CCDC172: variants seen among roughly 807,000 people sequenced by gnomAD.
CCDC172 encodes coiled-coil domain-containing protein 172.
CCDC172 carries 30 observed loss-of-function variants against 38.0 expected under a neutral mutation model. The observed-to-expected ratio is 0.79, with a 90% CI of 0.59 to 1.07. CCDC172 has a LOEUF of 1.07. Among genes scored for constraint, CCDC172 ranks in the 50% least tolerant of loss-of-function variants. The pLI is 0.00. For missense variants in CCDC172, 297 were observed against 290.1 expected, an observed-to-expected ratio of 1.02 and a Z score of -0.17; for synonymous variants, 78 against 88.3, an observed-to-expected ratio of 0.88 and a Z score of 0.66.
intron 5 of CCDC172, among the ~76,000 whole-genome samples, chr10:116,356,356 A>AG (rs79499888): frequency 2.9e-5 from 4 of 137,728 alleles, no homozygotes; most frequent in South Asian, 2.8e-4. Flanking sequence ...AGAGAAAGAA[A>AG]GGGGGGGAGG....
chr10:116,341,715 A>G (rs1404633093), intron 4 of CCDC172, among the ~76,000 whole-genome samples: 1 of 151,838 alleles, frequency 6.6e-6, no homozygotes, highest in Non-Finnish European at 1.5e-5. Context: ...CCAGTTTTAT[A>G]TTATAATTAT....
chr10:116,354,291 A>G (rs1844967189), intron 5 of CCDC172, among the ~76,000 whole-genome samples: 1 of 152,218 alleles, frequency 6.6e-6, no homozygotes, highest in African/African-American at 2.4e-5. Context: ...TTTATGTATT[A>G]TTATACTTTT....
chr10:116,364,833 A>G (rs1224668708), intron 7 of CCDC172, among the ~76,000 whole-genome samples: 1 of 152,232 alleles, frequency 6.6e-6, no homozygotes, highest in Non-Finnish European at 1.5e-5. Context: ...TCTACTTTAA[A>G]TAGTAGTGTG....
chr10:116,342,582 G>A (rs904180613), intron 5 of CCDC172, among the ~76,000 whole-genome samples: 15 of 152,158 alleles, frequency 9.9e-5, no homozygotes, highest in Admixed American at 9.8e-4. Flanking sequence ...TCCAGGAGAA[G>A]CTAGGAATAA....
intron 3 of CCDC172, among the ~76,000 whole-genome samples, chr10:116,327,722 T>G (rs1844608625): frequency 1.3e-5 from 2 of 152,100 alleles, no homozygotes; most frequent in South Asian, 4.1e-4. Context: ...GGGTCACAGT[T>G]CATACAATAC....
intron 5 of CCDC172, among the ~76,000 whole-genome samples, chr10:116,346,474 T>C (rs1211910304): frequency 6.6e-6 from 1 of 151,970 alleles, no homozygotes; most frequent in Non-Finnish European, 1.5e-5. Context: ...GGCAAGCAGA[T>C]CAATGGTTGC....
intron 3 of CCDC172, among the ~76,000 whole-genome samples, chr10:116,339,306 G>T (rs1345130536): frequency 6.6e-6 from 1 of 151,856 alleles, no homozygotes; most frequent in Non-Finnish European, 1.5e-5. Flanking sequence ...CTTTGTTAAG[G>T]TGTTTAACTT....
intron 3 of CCDC172, among the ~76,000 whole-genome samples, chr10:116,326,377 A>G (rs1379304007): frequency 6.6e-6 from 1 of 152,176 alleles, no homozygotes; most frequent in Non-Finnish European, 1.5e-5. Context: ...TTATTCAAAA[A>G]TATTTATTAA....
chr10:116,357,235 A>G (rs1845009287), intron 5 of CCDC172, 145 bp from the exon 6 acceptor site: 3 of 540,014 alleles, frequency 5.6e-6, no homozygotes, highest in Non-Finnish European at 9.5e-6. Flanking sequence ...TCCAATCCAT[A>G]GACATGGATA....
chr10:116,357,341 T>A, intron 5 of CCDC172, 39 bp from the exon 6 acceptor site: 1 of 1,327,454 alleles, frequency 7.5e-7, no homozygotes. Context: ...AATTTATTTC[T>A]AAGTATTTTA....
Position 116,357,941 on chromosome 10 carries a change from A to G in CCDC172, c.653+3A>G. The G allele has an allele frequency of 6.6e-7, 1 of 1,526,650 alleles. No homozygotes were observed. Among genetic ancestry groups the G allele is most frequent in the South Asian group, 1.2e-5 (1 of 86,050 alleles). The allele number at this position is 1,526,650 out of a possible 1,614,324, so 94.6% of individuals were successfully genotyped here. A position where few individuals can be genotyped will look rare whatever the true frequency, so the allele number is the denominator to read the frequency against. Reference sequence around the variant, plus strand: ...CAAAATGATACAGAATGCTTAAGGTAAGAGTTTCCTGTTATATTTTGGCCT... The same window carrying G: ...CAAAATGATACAGAATGCTTAAGGTGAGAGTTTCCTGTTATATTTTGGCCT... On this transcript the variant is annotated splice_donor_region_variant and intron_variant, in intron 7 of 8. Coordinates refer to ENST00000333254, the MANE Select transcript of CCDC172 (RefSeq NM_198515.3).
At chr10:116,348,583 G>A (rs1844894443) in intron 5 of CCDC172, among the ~76,000 whole-genome samples, 1 of 151,980 alleles carries the variant, frequency 6.6e-6, no homozygotes, top group Admixed American at 6.6e-5. Flanking sequence ...CTTACTCCTT[G>A]AGATTGCCAA....
intron 5 of CCDC172, among the ~76,000 whole-genome samples, chr10:116,346,970 A>G (rs1317496142): frequency 6.6e-6 from 1 of 152,220 alleles, no homozygotes; most frequent in Non-Finnish European, 1.5e-5. Context: ...GTAGACTTAA[A>G]CTGGACTAGG....
rs959233547 is a variant in CCDC172 at position 116,334,191 on chromosome 10, C to T, written c.166-6543C>T. ...AAATGTTCTTTTCGTTCTGAGCTCC[C>T]GCTCCTCCCCGTCTTTACTAAGATT... On this transcript the variant is annotated intron_variant, in intron 3 of 8. Coordinates refer to ENST00000333254, the MANE Select transcript of CCDC172 (RefSeq NM_198515.3). Among the ~76,000 whole-genome samples the T allele has an allele frequency of 3.9e-5, 6 of 152,142 alleles. No homozygotes were observed. In the South Asian group the frequency reaches 6.2e-4, roughly 16 times the overall value.
In CCDC172 at chr10:116,325,299, A is replaced by C; in HGVS notation, c.80-4A>C. 6.2e-7 allele frequency: 1 copy of C among 1,609,768 alleles called. No individual in the cohort carries two copies. The highest frequency in any genetic ancestry group is 8.5e-7 in the Non-Finnish European group (1 of 1,177,610). On this transcript the variant is annotated splice_region_variant and splice_polypyrimidine_tract_variant and intron_variant, in intron 2 of 8. Coordinates refer to ENST00000333254, the MANE Select transcript of CCDC172 (RefSeq NM_198515.3). ...TGTGTTTAAAGATTTAATTTTTATT[A>C]CAGTAAGGTCGGAAATAACCAGATG...
At chr10:116,357,974 G>A (rs1845020067) in intron 7 of CCDC172, 36 bp downstream of exon 7, 1 of 1,152,546 alleles carries the variant, frequency 8.7e-7, no homozygotes. Flanking sequence ...CCTAAATCAG[G>A]TAATTTTTCA....
intron 3 of CCDC172, among the ~76,000 whole-genome samples, chr10:116,331,966 A>G (rs1228549327): frequency 6.6e-6 from 1 of 152,118 alleles, no homozygotes; most frequent in Non-Finnish European, 1.5e-5. Context: ...TAGCTCACTT[A>G]TACACTGCAT....
chr10:116,342,327 TTTA>T (rs1844806284), intron 5 of CCDC172, 126 bp downstream of exon 5: 4 of 685,758 alleles, frequency 5.8e-6, no homozygotes. Flanking sequence ...TTCTTTTACT[TTTA>T]TTGATTTAAT....
chr10:116,327,314 G>C (rs914315293), intron 3 of CCDC172, among the ~76,000 whole-genome samples: 2 of 152,094 alleles, frequency 1.3e-5, no homozygotes, highest in African/African-American at 4.8e-5. Flanking sequence ...TGACATTCAT[G>C]TATAATAATA....
Sources: gnomAD v4.1 joint callset for allele counts (sites outside exome capture counted in the v4.1 genomes callset) on GRCh38, gnomAD v4.1.1 for gene constraint, MANE v1.5 for transcripts, NCBI Gene and HGNC (gene_info 2026-07-23, HGNC 2026-07-21) for gene names.